The following CPNE8 variants were observed in gnomAD, a reference collection of about 807,000 sequenced individuals.
CPNE8 encodes copine 8.
Under a neutral mutation model 81.5 loss-of-function variants are expected in CPNE8, and 45 were observed. That is an observed-to-expected ratio of 0.55 (90% CI 0.44 to 0.71). The LOEUF is 0.71. Ranked by LOEUF, CPNE8 falls within the 30% of genes least tolerant of loss-of-function variation. The probability of loss-of-function intolerance (pLI) is 0.00; values close to 1 mark genes in which losing one functional copy is unlikely to be tolerated. For synonymous variants in CPNE8, 252 were observed against 226.3 expected, an observed-to-expected ratio of 1.11 and a Z score of -1.02; for missense variants, 594 against 672.1, an observed-to-expected ratio of 0.88 and a Z score of 1.28.
chr12:38,905,384 T>C, intron 1 of CPNE8, 53 bp downstream of exon 1: 2 of 1,537,064 alleles, frequency 1.3e-6, no homozygotes, highest in Non-Finnish European at 1.8e-6. Context: ...CTCCAAGTGC[T>C]ACCAACCCCA....
At chr12:38,799,849 C>T (rs7957999) in intron 6 of CPNE8, among the ~76,000 whole-genome samples, 49,426 of 149,614 alleles carry the variant, frequency 0.33, 9,864 homozygotes, top group Non-Finnish European at 0.44. Flanking sequence ...ACCTGGGAAG[C>T]GCAAGGGGTC....
At chr12:38,769,872 T>C (rs1229653319) in intron 7 of CPNE8, among the ~76,000 whole-genome samples, 4 of 152,196 alleles carry the variant, frequency 2.6e-5, no homozygotes, top group Non-Finnish European at 5.9e-5. Context: ...AAAATAAAGA[T>C]TTATTTCAAT....
intron 19 of CPNE8, among the ~76,000 whole-genome samples, chr12:38,668,771 C>T (rs1027950601): frequency 7.2e-5 from 11 of 151,932 alleles, no homozygotes; most frequent in East Asian, 5.8e-4. Flanking sequence ...CATAATGGTC[C>T]GGGCACGGTG....
At chr12:38,702,727 T>G (rs1443229277) in intron 14 of CPNE8, 148 bp downstream of exon 14, 3 of 454,314 alleles carry the variant, frequency 6.6e-6, no homozygotes, top group African/African-American at 6.1e-5. Context: ...TTTCACAACA[T>G]TAAAAAGAAA....
chr12:38,740,028 G>C (rs1941056165), intron 10 of CPNE8, among the ~76,000 whole-genome samples: 1 of 152,142 alleles, frequency 6.6e-6, no homozygotes, highest in Non-Finnish European at 1.5e-5. Flanking sequence ...CATTGTCAAT[G>C]TGTGAAGACT....
intron 10 of CPNE8, among the ~76,000 whole-genome samples, chr12:38,757,314 ACT>A (rs929006461): frequency 6.6e-6 from 1 of 151,932 alleles, no homozygotes; most frequent in African/African-American, 2.4e-5. Flanking sequence ...TATCATAGTC[ACT>A]CTGATGTTTT....
intron 3 of CPNE8, among the ~76,000 whole-genome samples, chr12:38,870,630 C>T (rs1055016910): frequency 1.4e-4 from 21 of 151,988 alleles, no homozygotes; most frequent in African/African-American, 3.1e-4. Context: ...CATCACACAC[C>T]GGGGCCTGTC....
intron 10 of CPNE8, among the ~76,000 whole-genome samples, chr12:38,757,341 T>C (rs1401025523): frequency 6.6e-6 from 1 of 151,924 alleles, no homozygotes; most frequent in African/African-American, 2.4e-5. Context: ...AAATCTACAT[T>C]GGGCAATTTT....
intron 6 of CPNE8, among the ~76,000 whole-genome samples, chr12:38,803,543 C>T (rs906990905): frequency 1.4e-5 from 2 of 137,938 alleles, no homozygotes; most frequent in African/African-American, 5.2e-5. Flanking sequence ...AAACCCACAG[C>T]CAATATCATA....
chr12:38,712,514 G>GTGAA (rs1264805676), intron 13 of CPNE8, among the ~76,000 whole-genome samples: 1 of 152,052 alleles, frequency 6.6e-6, no homozygotes, highest in Non-Finnish European at 1.5e-5. Context: ...TGCCCAGGCT[G>GTGAA]CCACCAATTT....
intron 10 of CPNE8, among the ~76,000 whole-genome samples, chr12:38,738,051 GCTCC>G (rs1413194652): frequency 6.6e-6 from 1 of 152,018 alleles, no homozygotes; most frequent in African/African-American, 2.4e-5. Context: ...AATTGTTCTA[GCTCC>G]CTCGCCATTC....
At chr12:38,868,463 G>T (rs1258949349) in intron 3 of CPNE8, among the ~76,000 whole-genome samples, 9 of 152,030 alleles carry the variant, frequency 5.9e-5, no homozygotes, top group Non-Finnish European at 1.3e-4. Flanking sequence ...ATACTTGGTA[G>T]AATTAATAAA....
At chr12:38,838,237 G>C (rs1333884314) in intron 5 of CPNE8, among the ~76,000 whole-genome samples, 1 of 152,144 alleles carries the variant, frequency 6.6e-6, no homozygotes, top group Non-Finnish European at 1.5e-5. Flanking sequence ...TGTCCAGTCA[G>C]AAGTGGTGAG....
intron 18 of CPNE8, among the ~76,000 whole-genome samples, chr12:38,675,307 C>T (rs1939263495): frequency 6.6e-6 from 1 of 152,182 alleles, no homozygotes; most frequent in Admixed American, 6.5e-5. Flanking sequence ...TTTCTTTTCA[C>T]AACCTAATGA....
intron 14 of CPNE8, 67 bp from the exon 15 acceptor site, chr12:38,693,905 G>T: frequency 3.1e-6 from 4 of 1,306,592 alleles, no homozygotes; most frequent in South Asian, 3.2e-5. Flanking sequence ...AATTTTTCTT[G>T]GTGTCTATTT....
intron 15 of CPNE8, among the ~76,000 whole-genome samples, chr12:38,687,373 TC>T (rs137999554): frequency 0.093 from 6,334 of 68,272 alleles, 554 homozygotes; most frequent in East Asian, 0.23. Flanking sequence ...GCCAAGACTT[TC>T]TTTTTTTTTT....
At position 38,653,272 on chromosome 12, in the gene CPNE8, AT is replaced by A. The variant is rs1282166027; in HGVS notation, c.*609del. On this transcript the variant is annotated 3_prime_UTR_variant, in exon 20 of 20. Transcript: ENST00000331366. ...CATACCCAGCAAACATTGCTGAGAA[AT>A]TGTTTATTAAGCAGATGTAGTTTCT... is the stretch of plus-strand genomic sequence containing the variant. 6.6e-6 allele frequency: 1 copy of A among 152,632 alleles called. No individual in the cohort carries two copies. The highest frequency in any genetic ancestry group is 1.5e-5 in the Non-Finnish European group (1 of 68,026). The allele number at this position is 152,632 out of a possible 1,614,324, so 9.5% of individuals were successfully genotyped here.
At chr12:38,832,221 G>A (rs1943299373) in intron 5 of CPNE8, among the ~76,000 whole-genome samples, 1 of 152,166 alleles carries the variant, frequency 6.6e-6, no homozygotes, top group African/African-American at 2.4e-5. Context: ...TGAGTGCTAG[G>A]TAATGAGGAC....
chr12:38,677,771 G>A (rs761742895), intron 16 of CPNE8, among the ~76,000 whole-genome samples: 7 of 151,688 alleles, frequency 4.6e-5, no homozygotes, highest in Non-Finnish European at 1.0e-4. Flanking sequence ...GAAATATCTA[G>A]TTGCCTAAAA....
Sources: allele counts gnomAD v4.1 joint callset (sites outside exome capture counted in the v4.1 genomes callset), GRCh38; gene constraint gnomAD v4.1.1; transcripts MANE v1.5; gene names NCBI Gene and HGNC (gene_info 2026-07-23, HGNC 2026-07-21).